ERN1: variants seen among roughly 807,000 people sequenced by gnomAD.
The protein encoded by ERN1 is endoplasmic reticulum to nucleus signaling 1.
In ERN1, 39 loss-of-function variants were observed where a neutral mutation model predicts 113.1. The observed-to-expected ratio is 0.34, with a 90% CI of 0.27 to 0.45. ERN1 has a LOEUF of 0.45. ERN1 is among the 20% of genes least tolerant of loss of function. The probability of loss-of-function intolerance (pLI) is 1.00; values close to 1 mark genes in which losing one functional copy is unlikely to be tolerated. For missense variants in ERN1, 976 were observed against 1,274.8 expected (o/e 0.77, Z 3.57); for synonymous variants, 507 against 515.9 (o/e 0.98, Z 0.23).
rs1912379573 is a variant in ERN1, at chr17:64,042,746, G to C, written c.*1242C>G. On this transcript the variant is annotated 3_prime_UTR_variant, in exon 22 of 22. Transcript: ENST00000433197. The stretch of plus-strand genomic sequence containing the variant: ...TGATACTGTTCAATACATTTACATA[G>C]TGTTGCTATAATGTTTTACTCTTCA... 1 of 152,114 alleles carries C rather than the reference G, an allele frequency of 6.6e-6. No individual in the cohort carries two copies. Among genetic ancestry groups the C allele is most frequent in the Non-Finnish European group, 1.5e-5 (1 of 68,026 alleles). The allele number at this position is 152,114 out of a possible 1,614,324, so 9.4% of individuals were successfully genotyped here. A position where few individuals can be genotyped will look rare whatever the true frequency, so the allele number is the denominator to read the frequency against.
chr17:64,053,009 CT>C, intron 16 of ERN1, 30 bp from the exon 17 acceptor site: 1 of 1,514,336 alleles, frequency 6.6e-7, no homozygotes, highest in Non-Finnish European at 8.9e-7. Flanking sequence ...TAGTCCAATG[CT>C]TACCAGGAGC....
chr17:64,044,034 T>C lies in ERN1; in HGVS notation c.2888A>G (p.His963Arg), dbSNP rs764070388. 1.9e-5 allele frequency: 30 copies of C among 1,612,968 alleles called. No individual in the cohort carries two copies. The East Asian group carries it at 6.7e-4, about 36-fold the overall frequency. The change falls in exon 22 of 22, where the codon CAC (histidine) becomes CGC (arginine). Residue 963 changes from histidine (H) to arginine (R), a missense_variant. By Grantham distance (29) the His-to-Arg change is conservative (BLOSUM62 0). Coordinates refer to ENST00000433197, the MANE Select transcript of ERN1 (RefSeq NM_001433.5). This position sits in a 1 kb window ranked among gnomAD's most constrained non-coding sequence, Gnocchi z 4.1. Reference protein sequence around the residue: ...HERLFQPYYFHEPPEPQPPVT... With the variant: ...HERLFQPYYFREPPEPQPPVT... ...TGGGGGCTGGGGCTCTGGGGGCTCG[T>C]GGAAGTAGTAGGGCTGGAAGAGTCT...
chr17:64,102,584 G>T (rs1052791637), intron 1 of ERN1: 11 of 866,382 alleles, frequency 1.3e-5, no homozygotes, highest in Non-Finnish European at 1.2e-5. Context: ...ACATGCCTGA[G>T]TTCAAATGTA....
At position 64,039,782 on chromosome 17, in the gene ERN1, A is replaced by G. The variant is rs1339983704; in HGVS notation, c.*4206T>C. The G allele has an allele frequency of 6.6e-6, 1 of 152,244 alleles. No homozygotes were observed. Among genetic ancestry groups the G allele is most frequent in the African/African-American group, 2.4e-5 (1 of 41,444 alleles). The allele number at this position is 152,244 out of a possible 1,614,324, so 9.4% of individuals were successfully genotyped here. Reference sequence around the variant, plus strand: ...AGCTTTAGGGACACTGAAAAGGAATACTGTATCCACCAAACACACACACAG... The same window carrying G: ...AGCTTTAGGGACACTGAAAAGGAATGCTGTATCCACCAAACACACACACAG... On this transcript the variant is annotated 3_prime_UTR_variant, in exon 22 of 22. Coordinates refer to ENST00000433197, the MANE Select transcript of ERN1 (RefSeq NM_001433.5).
At chr17:64,090,954 A>G (rs960431602) in intron 2 of ERN1, among the ~76,000 whole-genome samples, 2 of 152,238 alleles carry the variant, frequency 1.3e-5, no homozygotes, top group African/African-American at 2.4e-5. Flanking sequence ...GATGCTCAAA[A>G]GTAAAAACAG....
At chr17:64,064,822 C>CG (rs927182389) in intron 9 of ERN1, among the ~76,000 whole-genome samples, 16 of 152,078 alleles carry the variant, frequency 1.1e-4, no homozygotes, top group African/African-American at 3.9e-4. Context: ...ACAAAGGCCC[C>CG]GGGGAAAGAT....
chr17:64,127,679 G>A (rs558207991), intron 1 of ERN1, among the ~76,000 whole-genome samples: 5 of 151,816 alleles, frequency 3.3e-5, no homozygotes, highest in Admixed American at 6.6e-5. Flanking sequence ...GCTTGAACCC[G>A]GGAGGCGGAG....
chr17:64,103,204 G>A (rs1365229824), intron 1 of ERN1, among the ~76,000 whole-genome samples: 2 of 152,094 alleles, frequency 1.3e-5, no homozygotes, highest in African/African-American at 4.8e-5. Context: ...TGATCATAAA[G>A]CAATGTTACG....
rs757912505 is a variant in ERN1 at position 64,054,807 on chromosome 17, A to G, written c.1694T>C (p.Ile565Thr). The change falls in exon 14 of 22, where the codon ATA becomes ACA. Residue 565 changes from isoleucine (I) to threonine (T), a missense_variant. Transcript: ENST00000433197. The surrounding 1 kb of genome is among the most constrained non-coding windows in gnomAD (Gnocchi z 4.9). ...DDGDEETSVV[I>T]VGKISFCPKD... Reference sequence around the variant, plus strand: ...GGGACAGAAGGAAATTTTCCCAACTATCACCACGCTGGTTTCCTCATCTGG... The same window carrying G: ...GGGACAGAAGGAAATTTTCCCAACTGTCACCACGCTGGTTTCCTCATCTGG... 1.2e-6 allele frequency: 2 copies of G among 1,609,152 alleles called. No homozygotes were observed. The highest frequency in any genetic ancestry group is 3.4e-5 in the Admixed American group (2 of 59,428).
At chr17:64,065,979 A>G (rs1435130291) in intron 8 of ERN1, among the ~76,000 whole-genome samples, 2 of 152,206 alleles carry the variant, frequency 1.3e-5, no homozygotes, top group African/African-American at 4.8e-5. Flanking sequence ...AATACCTTAC[A>G]TTTGAATGCT....
At chr17:64,098,631 G>GCA in intron 1 of ERN1, 1 of 515,134 alleles carries the variant, frequency 1.9e-6, no homozygotes, top group Non-Finnish European at 3.8e-6. Flanking sequence ...CAATACCCAC[G>GCA]CATACACACA....
In ERN1 at chr17:64,054,457, G is replaced by C. The variant is rs1462381039; in HGVS notation, c.1764-18C>G. The C allele has an allele frequency of 1.2e-5, 19 of 1,547,574 alleles. No homozygotes were observed. Among genetic ancestry groups the C allele is most frequent in the Non-Finnish European group, 1.7e-5 (19 of 1,143,418 alleles). ...ACATGCCCCTGCGGGATGAGGAGTG[G>C]GAGTTGTGTCTGGGAAGCACGAGTC... is the stretch of plus-strand genomic sequence containing the variant. On this transcript the variant is annotated intron_variant, in intron 14 of 21. Transcript: ENST00000433197. This position sits in a 1 kb window ranked among gnomAD's most constrained non-coding sequence, Gnocchi z 4.9.
At chr17:64,073,470 C>T (rs754840164) in intron 5 of ERN1, among the ~76,000 whole-genome samples, 4 of 144,848 alleles carry the variant, frequency 2.8e-5, no homozygotes, top group African/African-American at 2.6e-5. Flanking sequence ...CCACCATGCC[C>T]GGCCACCTGG....
chr17:64,102,619 A>ACATGTTTAATT, intron 1 of ERN1: 2 of 950,676 alleles, frequency 2.1e-6, no homozygotes, highest in Non-Finnish European at 2.5e-6. Flanking sequence ...CATGAATTAA[A>ACATGTTTAATT]CATGTTTCCA....
At chr17:64,104,176 A>G (rs1171004693) in intron 1 of ERN1, among the ~76,000 whole-genome samples, 1 of 152,222 alleles carries the variant, frequency 6.6e-6, no homozygotes, top group Non-Finnish European at 1.5e-5. Context: ...TGGGAAGCAA[A>G]GGTTGCAGTG....
intron 1 of ERN1, 129 bp downstream of exon 1, chr17:64,129,847 G>T: frequency 1.2e-6 from 1 of 858,234 alleles, no homozygotes; most frequent in Non-Finnish European, 1.6e-6. Flanking sequence ...CCACGGCTGG[G>T]CTCACGGGGC....
chr17:64,055,030 TTC>T (rs1223343165), intron 13 of ERN1, among the ~76,000 whole-genome samples: 2 of 152,222 alleles, frequency 1.3e-5, no homozygotes, highest in Admixed American at 1.3e-4. Flanking sequence ...TGCCCCTGCA[TTC>T]TGTCTCCGCC....
At chr17:64,048,036 TG>T in intron 18 of ERN1, 51 bp from the exon 19 acceptor site, 1 of 1,527,416 alleles carries the variant, frequency 6.5e-7, no homozygotes, top group Non-Finnish European at 8.9e-7. Flanking sequence ...AAAGCCACAG[TG>T]AAATACCAAA....
In ERN1 at chr17:64,054,787, A is replaced by C; in HGVS notation, c.1714T>G (p.Cys572Gly). 5.6e-6 allele frequency: 9 copies of C among 1,610,704 alleles called. No individual in the cohort carries two copies. Among genetic ancestry groups the C allele is most frequent in the Non-Finnish European group, 7.6e-6 (9 of 1,178,740 alleles). Residue 572 changes from cysteine (C) to glycine (G), a missense_variant, in exon 14 of 22, where the codon TGT (cysteine) becomes GGT (glycine). Around this residue, in one of 5 missense-constraint regions of ERN1, gnomAD observed 112 missense variants for 106.2 expected, o/e 1.05. Transcript: ENST00000433197. This position sits in a 1 kb window ranked among gnomAD's most constrained non-coding sequence, Gnocchi z 4.9. ...CCATGGCCCAGGACATCCTTGGGAC[A>C]GAAGGAAATTTTCCCAACTATCACC... ...SVVIVGKISF[C>G]PKDVLGHGAE...
Sources: allele counts gnomAD v4.1 joint callset (sites outside exome capture counted in the v4.1 genomes callset), GRCh38; gene constraint gnomAD v4.1.1; regional missense constraint gnomAD v4.1.1; non-coding constraint Gnocchi (gnomAD v3.1); transcripts MANE v1.5; gene names NCBI Gene and HGNC (gene_info 2026-07-23, HGNC 2026-07-21).